GULP1: variants seen among roughly 807,000 people sequenced by gnomAD.
The protein encoded by GULP1 is PTB domain-containing engulfment adapter protein 1.
A neutral mutation model predicts 40.9 loss-of-function variants in GULP1; 19 were observed. The ratio of observed to expected loss-of-function variants is 0.46; its 90% CI spans 0.32 to 0.68. The LOEUF (loss-of-function observed/expected upper bound fraction) is 0.68, where lower values mean the gene tolerates loss of function less well. GULP1 is among the 30% of genes least tolerant of loss of function. The pLI is 0.03. For synonymous variants in GULP1, 119 were observed against 117.6 expected, an observed-to-expected ratio of 1.01 and a Z score of -0.08; for missense variants, 312 against 362.2, an observed-to-expected ratio of 0.86 and a Z score of 1.12.
At chr2:188,490,288 G>A (rs1443416843) in intron 4 of GULP1, among the ~76,000 whole-genome samples, 1 of 152,180 alleles carries the variant, frequency 6.6e-6, no homozygotes, top group East Asian at 1.9e-4. Context: ...GTTGAATGAA[G>A]TATCCGATCC....
chr2:188,463,238 G>A (rs2059854640), intron 2 of GULP1, among the ~76,000 whole-genome samples: 1 of 152,026 alleles, frequency 6.6e-6, no homozygotes, highest in Non-Finnish European at 1.5e-5. Flanking sequence ...TGTTTGTCTG[G>A]TAAAAGGTTT....
At chr2:188,304,181 C>G (rs1166264394) in intron 1 of GULP1, among the ~76,000 whole-genome samples, 1 of 152,122 alleles carries the variant, frequency 6.6e-6, no homozygotes, top group African/African-American at 2.4e-5. Context: ...GGATGTATAT[C>G]TAGATAATTC....
intron 1 of GULP1, among the ~76,000 whole-genome samples, chr2:188,356,168 G>T (rs193248973): frequency 6.6e-6 from 1 of 152,012 alleles, no homozygotes; most frequent in Non-Finnish European, 1.5e-5. Context: ...ATTCAACATG[G>T]TACTGAAAGT....
intron 4 of GULP1, among the ~76,000 whole-genome samples, chr2:188,521,461 T>C (rs972010917): frequency 1.3e-4 from 20 of 152,150 alleles, no homozygotes; most frequent in Non-Finnish European, 2.2e-4. Context: ...GAGGTTTAAT[T>C]GACTCACAGT....
At chr2:188,305,733 AG>A (rs1372576249) in intron 1 of GULP1, among the ~76,000 whole-genome samples, 1 of 152,212 alleles carries the variant, frequency 6.6e-6, no homozygotes, top group Non-Finnish European at 1.5e-5. Context: ...TTGTCAGGAT[AG>A]TTAAAATGTT....
At chr2:188,486,795 G>A (rs187824011) in intron 4 of GULP1, among the ~76,000 whole-genome samples, 1 of 151,940 alleles carries the variant, frequency 6.6e-6, no homozygotes, top group Admixed American at 6.6e-5. Context: ...AGTTCATTGG[G>A]AATCTTTTAT....
chr2:188,302,907 C>G (rs2036392373), intron 1 of GULP1, among the ~76,000 whole-genome samples: 1 of 152,162 alleles, frequency 6.6e-6, no homozygotes, highest in Non-Finnish European at 1.5e-5. Context: ...TGTCTTACAT[C>G]CTGCTATTTG....
intron 2 of GULP1, among the ~76,000 whole-genome samples, chr2:188,429,646 T>G (rs1175830082): frequency 6.6e-6 from 1 of 152,176 alleles, no homozygotes; most frequent in Non-Finnish European, 1.5e-5. Context: ...CTGGAGAGAA[T>G]TTTTTAAATG....
At chr2:188,338,799 G>A (rs1287697092) in intron 1 of GULP1, among the ~76,000 whole-genome samples, 1 of 152,088 alleles carries the variant, frequency 6.6e-6, no homozygotes, top group Non-Finnish European at 1.5e-5. Context: ...CTAGTGCCAG[G>A]CTAATCTCAG....
intron 1 of GULP1, among the ~76,000 whole-genome samples, chr2:188,330,027 T>C (rs1370262293): frequency 1.3e-5 from 2 of 152,122 alleles, no homozygotes; most frequent in Non-Finnish European, 2.9e-5. Flanking sequence ...ATGGGAAATG[T>C]GTAGGCTAGA....
At chr2:188,306,336 C>T (rs2037090854) in intron 1 of GULP1, among the ~76,000 whole-genome samples, 1 of 151,972 alleles carries the variant, frequency 6.6e-6, no homozygotes, top group Non-Finnish European at 1.5e-5. Context: ...AAACCTAAAA[C>T]CAATTTCTTA....
At position 188,536,780 on chromosome 2, in the gene GULP1, C is replaced by T. The variant is rs148464826; in HGVS notation, c.262-4401C>T. ...ATCTGTATTGTTTGGGCAATATGGT[C>T]ATTTTAACAGTATTAATTCTTCCAA... On this transcript the variant is annotated intron_variant, in intron 6 of 11. Coordinates refer to ENST00000409830, the MANE Select transcript of GULP1 (RefSeq NM_016315.4). Among the ~76,000 whole-genome samples the T allele has an allele frequency of 1.1e-3, 161 of 152,200 alleles. 1 individual carries two copies. The highest frequency in any genetic ancestry group is 1.1e-3 in the Admixed American group (17 of 15,272).
chr2:188,520,556 T>C (rs2065649395), intron 4 of GULP1, among the ~76,000 whole-genome samples: 1 of 151,246 alleles, frequency 6.6e-6, no homozygotes, highest in South Asian at 2.1e-4. Flanking sequence ...AAAGTAACTG[T>C]TGTCCCTTAC....
intron 7 of GULP1, among the ~76,000 whole-genome samples, chr2:188,554,118 TG>T: frequency 6.6e-6 from 1 of 151,978 alleles, no homozygotes; most frequent in Non-Finnish European, 1.5e-5. Flanking sequence ...TTTGATCTTG[TG>T]TATTTTTTTA....
chr2:188,411,612 T>TA (rs2053893299), intron 2 of GULP1, among the ~76,000 whole-genome samples: 1 of 152,204 alleles, frequency 6.6e-6, no homozygotes, highest in Non-Finnish European at 1.5e-5. Context: ...AGATAACAAA[T>TA]ATCTTCACTT....
intron 4 of GULP1, among the ~76,000 whole-genome samples, chr2:188,493,026 T>C: frequency 6.6e-6 from 1 of 152,142 alleles, no homozygotes; most frequent in African/African-American, 2.4e-5. Context: ...TCTGAAATTA[T>C]GATTTCCATA....
chr2:188,589,583 A>G (rs1172877664), intron 11 of GULP1: 2 of 406,126 alleles, frequency 4.9e-6, no homozygotes, highest in Non-Finnish European at 8.9e-6. Flanking sequence ...ATAAGCCTCT[A>G]TTTCCAGATT....
chr2:188,525,753 C>T (rs1686015704), intron 5 of GULP1, among the ~76,000 whole-genome samples: 1 of 152,100 alleles, frequency 6.6e-6, no homozygotes, highest in African/African-American at 2.4e-5. Context: ...GAAAATGTAG[C>T]CGTTGGGAAT....
intron 2 of GULP1, among the ~76,000 whole-genome samples, chr2:188,435,504 T>C (rs142603682): frequency 6.6e-6 from 1 of 152,102 alleles, no homozygotes; most frequent in African/African-American, 2.4e-5. Flanking sequence ...TAATTTCCTA[T>C]GTCTTATAAC....
Sources: gnomAD v4.1 joint callset for allele counts (sites outside exome capture counted in the v4.1 genomes callset) on GRCh38, gnomAD v4.1.1 for gene constraint, MANE v1.5 for transcripts, NCBI Gene and HGNC (gene_info 2026-07-23, HGNC 2026-07-21) for gene names.